Variants in IRAK2 observed in about 807,000 individuals in gnomAD.
IRAK2 encodes interleukin-1 receptor-associated kinase-like 2.
IRAK2 carries 57 observed loss-of-function variants against 72.0 expected under a neutral mutation model. That is an observed-to-expected ratio of 0.79 (90% confidence interval 0.64 to 0.99). The LOEUF (loss-of-function observed/expected upper bound fraction) is 0.99. Ranked by LOEUF, IRAK2 falls within the 50% of genes least tolerant of loss-of-function variation. The pLI is 0.00. For missense variants in IRAK2, 790 were observed against 794.4 expected (o/e 0.99, Z 0.07); for synonymous variants, 293 against 312.7 (o/e 0.94, Z 0.67).
chr3:10,234,564 G>C lies in IRAK2; in HGVS notation c.1378G>C (p.Glu460Gln), dbSNP rs981503303. The C allele has an allele frequency of 6.2e-7, 1 of 1,614,078 alleles. No individual in the cohort carries two copies. Residue 460 changes from glutamate to glutamine, a missense_variant, in exon 11 of 13, where the codon GAG (glutamate) becomes CAG (glutamine). Physicochemically the swap from Glu to Gln is conservative, Grantham distance 29. Coordinates refer to ENST00000256458, the MANE Select transcript of IRAK2 (RefSeq NM_001570.4). ...MAKEICQKYL[E>Q]KGAGRLPEDC... is the part of the protein sequence containing the mutation. ...AAAGGAGATCTGCCAGAAGTACCTG[G>C]AGAAGGGCGCAGGGAGGCTTCCGGA...
intron 2 of IRAK2, 59 bp downstream of exon 2, chr3:10,178,079 C>T (rs1309244409): frequency 7.3e-7 from 1 of 1,364,008 alleles, no homozygotes; most frequent in Non-Finnish European, 1.0e-6. Flanking sequence ...CAGTTTCCAT[C>T]CGTGTGAGTT....
intron 2 of IRAK2, among the ~76,000 whole-genome samples, chr3:10,178,920 A>T (rs750377132): frequency 3.9e-5 from 6 of 152,092 alleles, no homozygotes; most frequent in Non-Finnish European, 7.4e-5. Context: ...TCCTGCCTCA[A>T]CTTCCTGAGT....
intron 2 of IRAK2, among the ~76,000 whole-genome samples, chr3:10,185,257 A>G (rs1475379703): frequency 4.0e-5 from 6 of 151,062 alleles, no homozygotes; most frequent in Admixed American, 3.9e-4. Flanking sequence ...TGCACCTTGA[A>G]GTTTAAGAAC....
chr3:10,209,692 G>A lies in IRAK2; in HGVS notation c.528G>A (p.Lys176=). The change falls in exon 4 of 13, where the codon AAG becomes AAA. Residue 176 remains lysine (K), a splice_region_variant and synonymous_variant. Coordinates refer to ENST00000256458, the MANE Select transcript of IRAK2 (RefSeq NM_001570.4). Reference sequence around the variant, plus strand: ...ACCTCCCCACTTCGTCTGATTCAAAGGTAAATCCACCCCTCGGCTGCAGCC... The same window carrying A: ...ACCTCCCCACTTCGTCTGATTCAAAAGTAAATCCACCCCTCGGCTGCAGCC... ...RSDLPTSSDS[K]DFSTSIPKQE... The A allele has an allele frequency of 6.7e-7, 1 of 1,492,558 alleles. No homozygotes were observed. The allele number at this position is 1,492,558 out of a possible 1,614,324, so 92.5% of individuals were successfully genotyped here.
chr3:10,240,444 A>G (rs1322267515), intron 12 of IRAK2, among the ~76,000 whole-genome samples: 1 of 148,248 alleles, frequency 6.7e-6, no homozygotes, highest in African/African-American at 2.5e-5. Context: ...GTGACAGAGG[A>G]AAACTGTCTC....
intron 1 of IRAK2, 94 bp downstream of exon 1, chr3:10,165,142 G>A: frequency 1.8e-6 from 2 of 1,088,768 alleles, no homozygotes; most frequent in Non-Finnish European, 2.7e-6. Context: ...GGGCACCCGG[G>A]TTCAGCGGGT....
At chr3:10,220,349 G>A (rs924493110) in intron 8 of IRAK2, among the ~76,000 whole-genome samples, 2 of 152,146 alleles carry the variant, frequency 1.3e-5, no homozygotes, top group Non-Finnish European at 2.9e-5. Flanking sequence ...AGAATATCTG[G>A]CAGAACTGGC....
At chr3:10,228,588 C>A (rs1697815220) in intron 10 of IRAK2, among the ~76,000 whole-genome samples, 1 of 152,162 alleles carries the variant, frequency 6.6e-6, no homozygotes, top group South Asian at 2.1e-4. Flanking sequence ...CTAATGATTT[C>A]TAAAAATGTG....
rs537203656 is a variant in IRAK2 at position 10,234,837 on chromosome 3, C to G, written c.1473+178C>G. The stretch of plus-strand genomic sequence containing the variant: ...GTGTAGGGATGGATAGTGCGGAGCC[C>G]GAGGACGGGTATTGCAGGGCCTCAG... On this transcript the variant is annotated intron_variant, in intron 11 of 12. Coordinates refer to ENST00000256458, the MANE Select transcript of IRAK2 (RefSeq NM_001570.4). Among the ~76,000 whole-genome samples the G allele has an allele frequency of 9.2e-5, 14 of 152,278 alleles. No homozygotes were observed. In the South Asian group the frequency reaches 2.5e-3, roughly 27 times the overall value.
chr3:10,203,345 C>T (rs380545), intron 3 of IRAK2, among the ~76,000 whole-genome samples: 9,937 of 152,250 alleles, frequency 0.065, 505 homozygotes, highest in East Asian at 0.19. Context: ...CCAGGCAGGT[C>T]AAGATGATAA....
chr3:10,224,293 C>T lies in IRAK2; in HGVS notation c.1209+1462C>T, dbSNP rs557672944. ...CAGAGGTTGCAGTAAGCCGAGATCG[C>T]GCCATTGCACTCCAGCCTGGGCAAC... On this transcript the variant is annotated intron_variant, in intron 9 of 12. Transcript: ENST00000256458. 4.7e-5 allele frequency among the ~76,000 whole-genome samples: 7 copies of T among 150,522 alleles called. No individual in the cohort carries two copies. In the East Asian group the frequency reaches 5.9e-4, roughly 13 times the overall value.
intron 3 of IRAK2, among the ~76,000 whole-genome samples, chr3:10,205,584 A>G (rs1165114781): frequency 6.6e-6 from 1 of 152,192 alleles, no homozygotes. Flanking sequence ...GTGTGCAGAG[A>G]CAGCCCTGCC....
intron 2 of IRAK2, among the ~76,000 whole-genome samples, chr3:10,190,027 CTTA>C (rs1465027112): frequency 6.6e-6 from 1 of 151,620 alleles, no homozygotes; most frequent in Non-Finnish European, 1.5e-5. Flanking sequence ...TCTCACAACT[CTTA>C]TTATCCCTAT....
At position 10,185,866 on chromosome 3, in the gene IRAK2, A is replaced by C. The variant is rs550893620; in HGVS notation, c.277+7846A>C. 1.4e-4 allele frequency among the ~76,000 whole-genome samples: 21 copies of C among 151,388 alleles called. No homozygotes were observed. The South Asian group carries it at 1.5e-3, about 10-fold the overall frequency. On this transcript the variant is annotated intron_variant, in intron 2 of 12. Transcript: ENST00000256458. Reference sequence around the variant, plus strand: ...CACTCCATCCTGGGCGACAGACTACACTCCGTCTCAAAAATAAATAAAAAT... The same window carrying C: ...CACTCCATCCTGGGCGACAGACTACCCTCCGTCTCAAAAATAAATAAAAAT...
In IRAK2 at chr3:10,203,259, A is replaced by T. The variant is rs576708014; in HGVS notation, c.424+2744A>T. Among the ~76,000 whole-genome samples the T allele has an allele frequency of 3.9e-5, 6 of 152,264 alleles. No homozygotes were observed. The East Asian group carries it at 1.2e-3, about 29-fold the overall frequency. ...CAATCCACCTGCCTTGGCCTCCCAA[A>T]GTGCTGGGATTACAGGCGTGAGCCA... On this transcript the variant is annotated intron_variant, in intron 3 of 12. Coordinates refer to ENST00000256458, the MANE Select transcript of IRAK2 (RefSeq NM_001570.4).
chr3:10,232,518 A>G (rs1054895089), intron 10 of IRAK2, among the ~76,000 whole-genome samples: 2 of 151,564 alleles, frequency 1.3e-5, no homozygotes, highest in African/African-American at 4.9e-5. Flanking sequence ...GGAGCTGCCG[A>G]CTCCTCCATG....
At position 10,242,434 on chromosome 3, in the gene IRAK2, C is replaced by T. The variant is rs1009944351; in HGVS notation, c.*206C>T. The T allele has an allele frequency of 2.6e-6, 1 of 382,842 alleles. No individual in the cohort carries two copies. Among genetic ancestry groups the T allele is most frequent in the African/African-American group, 2.1e-5 (1 of 48,368 alleles). The allele number at this position is 382,842 out of a possible 1,614,324, so 23.7% of individuals were successfully genotyped here. On this transcript the variant is annotated 3_prime_UTR_variant, in exon 13 of 13. Coordinates refer to ENST00000256458, the MANE Select transcript of IRAK2 (RefSeq NM_001570.4). ...TTAGAGACACAAAAATCCATGAAGT[C>T]TCTTCCTTTCTGGGCTTTGTTAGTC...
intron 10 of IRAK2, among the ~76,000 whole-genome samples, chr3:10,230,451 T>C (rs1697841718): frequency 6.6e-6 from 1 of 151,992 alleles, no homozygotes; most frequent in Admixed American, 6.6e-5. Flanking sequence ...GCCTCCCGGG[T>C]AGCTGGGATT....
At chr3:10,184,190 T>C (rs1160964771) in intron 2 of IRAK2, among the ~76,000 whole-genome samples, 1 of 152,194 alleles carries the variant, frequency 6.6e-6, no homozygotes, top group Non-Finnish European at 1.5e-5. Flanking sequence ...CTTTCCCTCA[T>C]AAGCTATTGG....
Sources: allele counts gnomAD v4.1 joint callset (sites outside exome capture counted in the v4.1 genomes callset), GRCh38; gene constraint gnomAD v4.1.1; transcripts MANE v1.5; gene names NCBI Gene and HGNC (gene_info 2026-07-23, HGNC 2026-07-21).